Variants in RGS22 observed in about 807,000 individuals in gnomAD.
RGS22 encodes the protein regulator of G-protein signaling 22.
RGS22 carries 148 observed loss-of-function variants against 172.9 expected under a neutral mutation model. The observed-to-expected ratio is 0.86, with a 90% confidence interval of 0.75 to 0.98. The LOEUF (loss-of-function observed/expected upper bound fraction) is 0.98, where lower values mean the gene tolerates loss of function less well. Among genes scored for constraint, RGS22 ranks in the 50% least tolerant of loss-of-function variants. The probability of loss-of-function intolerance (pLI) is 0.00; values close to 1 mark genes in which losing one functional copy is unlikely to be tolerated. For synonymous variants in RGS22, 458 were observed against 480.2 expected (o/e 0.95, Z 0.60); for missense variants, 1,347 against 1,440.8 (o/e 0.93, Z 1.05).
At chr8:99,999,091 C>T (rs919848631) in intron 19 of RGS22, among the ~76,000 whole-genome samples, 171 bp downstream of exon 19, 3 of 149,980 alleles carry the variant, frequency 2.0e-5, no homozygotes, top group South Asian at 2.1e-4. Context: ...CACAGGAGTT[C>T]GAGGCTGCAG....
At chr8:100,051,931 ATATATTTATATATTTATATATAAATGTT>A (rs1231518995) in intron 10 of RGS22, among the ~76,000 whole-genome samples, 3,266 of 57,050 alleles carry the variant, frequency 0.057, 950 homozygotes, top group Middle Eastern at 0.11. Context: ...AAATGTTTAT[ATATATTTATATATTTATATATAAATGTT>A]TATATATATT....
chr8:100,019,101 G>A (rs1260384219), intron 14 of RGS22, among the ~76,000 whole-genome samples: 2 of 152,150 alleles, frequency 1.3e-5, no homozygotes, highest in African/African-American at 4.8e-5. Context: ...TTAGCATACT[G>A]TAGAAGCACC....
At chr8:100,026,436 T>C (rs527538328) in intron 14 of RGS22, among the ~76,000 whole-genome samples, 2 of 152,356 alleles carry the variant, frequency 1.3e-5, no homozygotes, top group South Asian at 4.1e-4. Flanking sequence ...TTTTGCGTTT[T>C]CTTTTTCTCT....
At position 100,063,936 on chromosome 8, in the gene RGS22, C is replaced by T; in HGVS notation, c.832G>A (p.Val278Met). 1 of 1,587,660 alleles carries T rather than the reference C, an allele frequency of 6.3e-7. No homozygotes were observed. The highest frequency in any genetic ancestry group is 8.6e-7 in the Non-Finnish European group (1 of 1,167,298). Residue 278 changes from valine (V) to methionine (M), a missense_variant, in exon 8 of 28, where the codon GTG (valine) becomes ATG (methionine). Transcript: ENST00000360863. ...GGAGTGTCTTGTAGAGATACAGACA[C>T]CTCTTCTTCTTCTCCTTCTTCTTCT... is the stretch of plus-strand genomic sequence containing the variant. ...FEEEEGEEEE[V>M]SVSLQDTPSQ...
chr8:100,070,036 A>C lies in RGS22; in HGVS notation c.594+1333T>G, dbSNP rs1245950622. Among the ~76,000 whole-genome samples, 3 of 149,884 alleles carry C rather than the reference A, an allele frequency of 2.0e-5. 1 individual carries two copies. In the East Asian group the frequency reaches 5.8e-4, roughly 29 times the overall value. On this transcript the variant is annotated intron_variant, in intron 6 of 27. Transcript: ENST00000360863. ...GAGCAAGACTCTGTCTCAAAAAAAAAAAAAAAAAAAAACAAAACAAAACTA... is the reference window on the plus strand; with the variant it reads ...GAGCAAGACTCTGTCTCAAAAAAAACAAAAAAAAAAAACAAAACAAAACTA...
At chr8:99,965,517 T>C (rs1810640984) in intron 23 of RGS22, 87 bp from the exon 24 acceptor site, 1 of 954,924 alleles carries the variant, frequency 1.0e-6, no homozygotes, top group East Asian at 2.7e-5. Context: ...TAACATCATA[T>C]GACATAATAT....
chr8:100,035,730 T>A (rs1044369351), intron 14 of RGS22, among the ~76,000 whole-genome samples: 3 of 152,146 alleles, frequency 2.0e-5, no homozygotes. Flanking sequence ...AATGATAGAC[T>A]GGATTAAGAA....
At chr8:100,028,380 C>A (rs1333038567) in intron 14 of RGS22, among the ~76,000 whole-genome samples, 1 of 150,052 alleles carries the variant, frequency 6.7e-6, no homozygotes, top group Non-Finnish European at 1.5e-5. Context: ...AAGAAGCAGT[C>A]ACATGTTCCC....
At chr8:100,023,712 G>C (rs988681973) in intron 14 of RGS22, among the ~76,000 whole-genome samples, 3 of 152,126 alleles carry the variant, frequency 2.0e-5, no homozygotes, top group African/African-American at 7.2e-5. Flanking sequence ...GGGATTATAG[G>C]TGCGAGCCAC....
At chr8:100,012,301 T>C (rs988016576) in intron 14 of RGS22, among the ~76,000 whole-genome samples, 1 of 151,978 alleles carries the variant, frequency 6.6e-6, no homozygotes, top group African/African-American at 2.4e-5. Context: ...GTAGAGTAGT[T>C]AAAAGGGAAT....
At chr8:100,046,962 G>A (rs1820790884) in intron 11 of RGS22, among the ~76,000 whole-genome samples, 2 of 151,754 alleles carry the variant, frequency 1.3e-5, no homozygotes, top group South Asian at 2.1e-4. Context: ...CTACAGGCAC[G>A]TGCCACCACA....
chr8:100,051,402 T>C (rs1488513378), intron 10 of RGS22, among the ~76,000 whole-genome samples: 1 of 129,682 alleles, frequency 7.7e-6, no homozygotes, highest in Non-Finnish European at 1.6e-5. Context: ...TTTTTATATA[T>C]ATATTTATTA....
chr8:99,978,018 T>C lies in RGS22; in HGVS notation c.3418A>G (p.Asn1140Asp). 6.5e-7 allele frequency: 1 copy of C among 1,549,514 alleles called. No individual in the cohort carries two copies. Among genetic ancestry groups the C allele is most frequent in the South Asian group, 1.3e-5 (1 of 78,000 alleles). ...FWPQFCEFRK[N>D]LTDENIMSVL... The stretch of plus-strand genomic sequence containing the variant: ...CTCATAATATTTTCATCTGTTAAAT[T>C]CTTCCTAAACTCACAGAACTGAGGC... Residue 1140 changes from asparagine to aspartate, a missense_variant, in exon 23 of 28, where the codon AAT becomes GAT. Asn to Asp is a conservative substitution (Grantham distance 23, BLOSUM62 1). Coordinates refer to ENST00000360863, the MANE Select transcript of RGS22 (RefSeq NM_015668.5).
chr8:100,022,448 G>C (rs1413003909), intron 14 of RGS22, among the ~76,000 whole-genome samples: 3 of 152,098 alleles, frequency 2.0e-5, no homozygotes, highest in African/African-American at 4.8e-5. Flanking sequence ...GACAAAAAAG[G>C]CTAGGTTTTT....
intron 20 of RGS22, 42 bp from the exon 21 acceptor site, chr8:99,987,661 G>A (rs1009863054): frequency 1.4e-6 from 2 of 1,411,646 alleles, no homozygotes; most frequent in African/African-American, 1.4e-5. Flanking sequence ...TCATTAATTA[G>A]GCTAACAATT....
intron 18 of RGS22, 134 bp from the exon 19 acceptor site, chr8:99,999,554 TCTC>T (rs1814797500): frequency 6.4e-6 from 5 of 786,886 alleles, no homozygotes; most frequent in Middle Eastern, 5.0e-4. Flanking sequence ...CTGTATAACA[TCTC>T]CTGGCTATAC....
At chr8:100,001,203 T>TATATATATATATATAC (rs1554611120) in intron 18 of RGS22, among the ~76,000 whole-genome samples, 1 of 8,786 alleles carries the variant, frequency 1.1e-4, no homozygotes, top group African/African-American at 1.0e-3. Flanking sequence ...CCCAATTTTT[T>TATATATATATATATAC]ATATATATAT....
At position 100,063,770 on chromosome 8, in the gene RGS22, C is replaced by T; in HGVS notation, c.998G>A (p.Gly333Glu). Residue 333 changes from glycine (G) to glutamate (E), a missense_variant, in exon 8 of 28, where the codon GGA (glycine) becomes GAA (glutamate). By Grantham distance (98) the Gly-to-Glu change is moderately conservative. Coordinates refer to ENST00000360863, the MANE Select transcript of RGS22 (RefSeq NM_015668.5). ...ILRGAIQQIV[G>E]KPVGETPDYI... is the part of the protein sequence containing the mutation. Reference sequence around the variant, plus strand: ...GTCTGGGGTTTCTCCAACTGGCTTTCCAACAATTTGCTGAATTGCTCCTCT... The same window carrying T: ...GTCTGGGGTTTCTCCAACTGGCTTTTCAACAATTTGCTGAATTGCTCCTCT... The T allele has an allele frequency of 6.2e-7, 1 of 1,614,056 alleles. No homozygotes were observed. Among genetic ancestry groups the T allele is most frequent in the Non-Finnish European group, 8.5e-7 (1 of 1,180,000 alleles).
intron 18 of RGS22, among the ~76,000 whole-genome samples, chr8:100,001,293 G>A (rs1815064047): frequency 1.4e-5 from 2 of 147,534 alleles, no homozygotes; most frequent in Admixed American, 6.8e-5. Flanking sequence ...CTGGAGTGCA[G>A]GGGCACAATC....
Sources: gnomAD v4.1 joint callset for allele counts (sites outside exome capture counted in the v4.1 genomes callset) on GRCh38, gnomAD v4.1.1 for gene constraint, MANE v1.5 for transcripts, NCBI Gene and HGNC (gene_info 2026-07-23, HGNC 2026-07-21) for gene names.